XKR9: variants seen among roughly 807,000 people sequenced by gnomAD.
XKR9 encodes XK related 9, also known as XK-related protein 9.
In XKR9, 32 loss-of-function variants were observed where a neutral mutation model predicts 32.0. The ratio of observed to expected loss-of-function variants is 1.00; its 90% CI spans 0.76 to 1.34. The LOEUF is 1.34. Ranked by LOEUF, XKR9 falls within the 40% of genes most tolerant of loss-of-function variation. XKR9 has a pLI of 0.00. For missense variants in XKR9, 546 were observed against 429.7 expected (o/e 1.27, Z -2.39); for synonymous variants, 168 against 143.4 (o/e 1.17, Z -1.22).
At chr8:70,672,934 T>C (rs13271442) in intron 1 of XKR9, among the ~76,000 whole-genome samples, 61,009 of 152,086 alleles carry the variant, frequency 0.4, 13,815 homozygotes, top group Non-Finnish European at 0.52. Flanking sequence ...CTTGTTGAGT[T>C]TGAGTTCCTT....
chr8:70,963,629 G>A, the XKR9 span, among the ~76,000 whole-genome samples: 2 of 152,182 alleles, frequency 1.3e-5, no homozygotes, highest in Non-Finnish European at 2.9e-5. Context: ...ATCAGCATCT[G>A]TGGCTTTATG....
intron 2 of XKR9, among the ~76,000 whole-genome samples, chr8:70,757,548 CATGTATGTATGTATGTATGTATGT>C (rs57117853): frequency 6.7e-6 from 1 of 150,232 alleles, no homozygotes; most frequent in African/African-American, 2.5e-5. Flanking sequence ...CTTCTTTCAT[CATGTATGTATGTATGTATGTATGT>C]ATGTATGTAT....
the XKR9 span, among the ~76,000 whole-genome samples, chr8:70,815,536 T>TATTTATTTATTTATTTATTC: frequency 6.6e-6 from 1 of 151,556 alleles, no homozygotes; most frequent in Admixed American, 6.6e-5. Flanking sequence ...TTTATTTATT[T>TATTTATTTATTTATTTATTC]ATTTATTGAG....
Position 70,681,304 on chromosome 8 carries a change from T to C in XKR9, c.246T>C (p.His82=). 6.2e-7 allele frequency: 1 copy of C among 1,612,740 alleles called. No homozygotes were observed. The highest frequency in any genetic ancestry group is 1.3e-5 in the African/African-American group (1 of 74,948). The change falls in exon 3 of 5, where the codon CAT becomes CAC. Residue 82 remains histidine, a synonymous_variant. Coordinates refer to ENST00000408926, the MANE Select transcript of XKR9 (RefSeq NM_001011720.2). ...QESQHCFLLL[H]CLQGGVFTRY... is the part of the protein sequence containing the mutation. ...GTCAGCATTGTTTTCTTCTACTTCATTGCTTGCAAGGAGGAGTTTTTACAA... is the reference window on the plus strand; with the variant it reads ...GTCAGCATTGTTTTCTTCTACTTCACTGCTTGCAAGGAGGAGTTTTTACAA...
At chr8:70,954,113 T>C in the XKR9 span, among the ~76,000 whole-genome samples, 1 of 152,154 alleles carries the variant, frequency 6.6e-6, no homozygotes, top group Non-Finnish European at 1.5e-5. Context: ...TCACAGACCT[T>C]TCCATACTTT....
At chr8:70,917,412 G>A in the XKR9 span, among the ~76,000 whole-genome samples, 34 of 151,894 alleles carry the variant, frequency 2.2e-4, no homozygotes, top group South Asian at 8.3e-4. Context: ...TTTTGTTCAC[G>A]TCTATGTCCT....
At chr8:70,763,413 C>A (rs979815453) in intron 2 of XKR9, among the ~76,000 whole-genome samples, 2 of 152,192 alleles carry the variant, frequency 1.3e-5, no homozygotes, top group African/African-American at 4.8e-5. Flanking sequence ...TGATGTTCTG[C>A]TGCTTTTTAG....
At chr8:70,754,178 G>T (rs1252772104) in intron 2 of XKR9, among the ~76,000 whole-genome samples, 1 of 148,028 alleles carries the variant, frequency 6.8e-6, no homozygotes, top group Admixed American at 7.6e-5. Context: ...GCTACAAAGA[G>T]AATAAAATAC....
intron 2 of XKR9, among the ~76,000 whole-genome samples, chr8:70,769,631 C>T (rs1002303135): frequency 2.0e-5 from 3 of 151,686 alleles, no homozygotes; most frequent in African/African-American, 4.8e-5. Context: ...AGGCTTCATT[C>T]GTTCCTTTTC....
chr8:71,037,253 T>A, the XKR9 span, among the ~76,000 whole-genome samples: 1 of 152,218 alleles, frequency 6.6e-6, no homozygotes, highest in Non-Finnish European at 1.5e-5. Context: ...TATGCATTGA[T>A]AATATCCACA....
intron 2 of XKR9, among the ~76,000 whole-genome samples, chr8:70,741,304 G>T (rs1345616793): frequency 6.6e-6 from 1 of 152,242 alleles, no homozygotes; most frequent in Non-Finnish European, 1.5e-5. Context: ...GCACACTCTT[G>T]CTGTCACTAT....
chr8:70,752,723 A>G (rs1807159698), intron 2 of XKR9, among the ~76,000 whole-genome samples: 1 of 152,212 alleles, frequency 6.6e-6, no homozygotes, highest in South Asian at 2.1e-4. Context: ...TCCAACGAGA[A>G]CAAAGACACA....
chr8:70,808,547 C>A, the XKR9 span, among the ~76,000 whole-genome samples: 1 of 152,100 alleles, frequency 6.6e-6, no homozygotes, highest in Non-Finnish European at 1.5e-5. Context: ...CCTTTCCTAG[C>A]CAAGGAAAGG....
chr8:70,744,377 C>G (rs1420307996), intron 2 of XKR9, among the ~76,000 whole-genome samples: 1 of 151,996 alleles, frequency 6.6e-6, no homozygotes, highest in Non-Finnish European at 1.5e-5. Context: ...ACATTTAGTT[C>G]TCTCTCATCC....
the XKR9 span, among the ~76,000 whole-genome samples, chr8:71,040,978 G>A: frequency 6.6e-6 from 1 of 152,112 alleles, no homozygotes; most frequent in Admixed American, 6.6e-5. Context: ...CTTGATACAT[G>A]TCAACTGGAA....
chr8:70,887,433 T>C, the XKR9 span, among the ~76,000 whole-genome samples: 1 of 152,178 alleles, frequency 6.6e-6, no homozygotes, highest in Non-Finnish European at 1.5e-5. Flanking sequence ...ATATGAAATT[T>C]AAAGTAGTTT....
the XKR9 span, among the ~76,000 whole-genome samples, chr8:70,860,349 T>G: frequency 2.6e-5 from 4 of 152,018 alleles, no homozygotes; most frequent in African/African-American, 9.7e-5. Context: ...CAACGAGAAG[T>G]TGGCAGTCTG....
chr8:70,982,696 G>T, the XKR9 span, among the ~76,000 whole-genome samples: 15,387 of 152,132 alleles, frequency 0.1, 853 homozygotes, highest in Middle Eastern at 0.14. Flanking sequence ...CCTACAAAGG[G>T]TCTGTGGATT....
the XKR9 span, among the ~76,000 whole-genome samples, chr8:71,045,140 T>C: frequency 6.6e-6 from 1 of 152,224 alleles, no homozygotes; most frequent in Non-Finnish European, 1.5e-5. Context: ...TTTCCAACAC[T>C]GTTTCATATT....
Sources: allele counts gnomAD v4.1 joint callset (sites outside exome capture counted in the v4.1 genomes callset), GRCh38; gene constraint gnomAD v4.1.1; transcripts MANE v1.5; gene names NCBI Gene and HGNC (gene_info 2026-07-23, HGNC 2026-07-21).